NFX1: variants seen among roughly 807,000 people sequenced by gnomAD.
NFX1 encodes the protein nuclear transcription factor, X-box binding 1.
A neutral mutation model predicts 137.2 loss-of-function variants in NFX1; 69 were observed. That is an observed-to-expected ratio of 0.50 (90% CI 0.41 to 0.61). The LOEUF is 0.61. NFX1 is among the 20% of genes least tolerant of loss of function. NFX1 has a pLI of 0.00. For synonymous variants in NFX1, 495 were observed against 474.1 expected, an observed-to-expected ratio of 1.04 and a Z score of -0.57; for missense variants, 1,167 against 1,391.0, an observed-to-expected ratio of 0.84 and a Z score of 2.56.
chr9:33,328,778 T>C (rs1200000636), intron 10 of NFX1, 100 bp downstream of exon 10: 5 of 954,390 alleles, frequency 5.2e-6, no homozygotes, highest in African/African-American at 1.6e-5. Context: ...AGATTAGGTA[T>C]GGGAAGTGGT....
At chr9:33,325,708 A>T (rs1822560319) in intron 9 of NFX1, among the ~76,000 whole-genome samples, 1 of 152,156 alleles carries the variant, frequency 6.6e-6, no homozygotes, top group Non-Finnish European at 1.5e-5. Context: ...CAAGAATCTT[A>T]CATCTCATGA....
intron 6 of NFX1, among the ~76,000 whole-genome samples, chr9:33,312,658 GT>G (rs1822004476): frequency 6.6e-6 from 1 of 152,344 alleles, no homozygotes; most frequent in South Asian, 2.1e-4. Flanking sequence ...ATCACTTGAG[GT>G]TAAGAGTTCG....
At chr9:33,306,047 T>C (rs1450496451) in intron 4 of NFX1, among the ~76,000 whole-genome samples, 1 of 151,982 alleles carries the variant, frequency 6.6e-6, no homozygotes, top group African/African-American at 2.4e-5. Context: ...TCTTGAGAGA[T>C]GTTAGAGGAA....
At chr9:33,341,499 A>G (rs531902847) in intron 12 of NFX1, among the ~76,000 whole-genome samples, 1 of 152,356 alleles carries the variant, frequency 6.6e-6, no homozygotes, top group Admixed American at 6.5e-5. Flanking sequence ...CACAGTACCA[A>G]TAGCAAGGTA....
chr9:33,362,665 A>G (rs1824032777), intron 19 of NFX1, among the ~76,000 whole-genome samples: 1 of 151,254 alleles, frequency 6.6e-6, no homozygotes, highest in Admixed American at 6.6e-5. Flanking sequence ...TAAAGTTACA[A>G]ATAGATGGTA....
chr9:33,343,875 A>G (rs558125087), intron 13 of NFX1, among the ~76,000 whole-genome samples, 194 bp from the exon 14 acceptor site: 12 of 152,324 alleles, frequency 7.9e-5, no homozygotes, highest in Non-Finnish European at 1.8e-4. Context: ...ATATCTGTTC[A>G]TGCCTTTTTC....
At chr9:33,329,552 C>T (rs1822723443) in intron 10 of NFX1, among the ~76,000 whole-genome samples, 1 of 152,206 alleles carries the variant, frequency 6.6e-6, no homozygotes, top group South Asian at 2.1e-4. Context: ...GCACAAAGGC[C>T]AGACTCTCTT....
chr9:33,332,510 TG>T lies in NFX1; in HGVS notation c.2035+12del. On this transcript the variant is annotated intron_variant, in intron 11 of 23. Coordinates refer to ENST00000379540, the MANE Select transcript of NFX1 (RefSeq NM_002504.6). ...CCAGTCTCAAAAGTGAAGGTATGAC[TG>T]GGGTGGGGCATGAGGGAATTTCTGG... is the stretch of plus-strand genomic sequence containing the variant. The T allele has an allele frequency of 6.4e-7, 1 of 1,571,446 alleles. No individual in the cohort carries two copies. Among genetic ancestry groups the T allele is most frequent in the Non-Finnish European group, 8.7e-7 (1 of 1,154,708 alleles).
chr9:33,364,484 G>A (rs1824111398), intron 20 of NFX1, among the ~76,000 whole-genome samples: 1 of 152,144 alleles, frequency 6.6e-6, no homozygotes, highest in Non-Finnish European at 1.5e-5. Flanking sequence ...TTCTCCTGGA[G>A]TCCCTGGCCT....
chr9:33,290,528 G>C lies in NFX1; in HGVS notation c.-45G>C, dbSNP rs769264741. 3 of 1,612,358 alleles carry C rather than the reference G, an allele frequency of 1.9e-6. No homozygotes were observed. Among genetic ancestry groups the C allele is most frequent in the African/African-American group, 1.3e-5 (1 of 75,032 alleles). On this transcript the variant is annotated 5_prime_UTR_variant, in exon 1 of 24. Coordinates refer to ENST00000379540, the MANE Select transcript of NFX1 (RefSeq NM_002504.6). The stretch of plus-strand genomic sequence containing the variant: ...GTCCGGGGCACGTGACCTGGTGACA[G>C]TGCTGACTTGGCTGTACAGCTCGAT...
intron 14 of NFX1, among the ~76,000 whole-genome samples, chr9:33,345,450 C>G (rs1186932436): frequency 6.6e-6 from 1 of 151,902 alleles, no homozygotes; most frequent in Admixed American, 6.6e-5. Flanking sequence ...GCACTCCAGC[C>G]TGGGTGACAG....
chr9:33,298,781 C>G (rs1363561765), intron 2 of NFX1, among the ~76,000 whole-genome samples: 4 of 150,754 alleles, frequency 2.7e-5, no homozygotes, highest in African/African-American at 9.8e-5. Flanking sequence ...AAGAACCTGT[C>G]TCAAAAAAAA....
Position 33,364,759 on chromosome 9 carries a change from G to A in NFX1, c.3024G>A (p.Val1008=), listed in dbSNP as rs1824120864. Residue 1008 remains valine, a synonymous_variant, in exon 21 of 24, where the codon GTG becomes GTA. Transcript: ENST00000379540. ...SDVEKEMETL[V]EAVNKGKNSK... ...TTGAGAAGGAAATGGAAACCCTCGT[G>A]GAGGCCGTGAATAAGGTTGAAGTCG... is the stretch of plus-strand genomic sequence containing the variant. 1 of 1,613,808 alleles carries A rather than the reference G, an allele frequency of 6.2e-7. No individual in the cohort carries two copies. Among genetic ancestry groups the A allele is most frequent in the South Asian group, 1.1e-5 (1 of 91,034 alleles).
chr9:33,351,624 T>C lies in NFX1; in HGVS notation c.2489T>C (p.Leu830Pro). ...TGCGGATTACCCTGCAGTGCCACGCTACCATGTGGGATGCACAAATGTCAG... is the reference window on the plus strand; with the variant it reads ...TGCGGATTACCCTGCAGTGCCACGCCACCATGTGGGATGCACAAATGTCAG... ...ISCGLPCSATLPCGMHKCQRL... is the reference protein window; with the variant it reads ...ISCGLPCSATPPCGMHKCQRL... The change falls in exon 16 of 24, where the codon CTA becomes CCA. Residue 830 changes from leucine (L) to proline (P), a missense_variant. Physicochemically the swap from Leu to Pro is moderately conservative, Grantham distance 98. Coordinates refer to ENST00000379540, the MANE Select transcript of NFX1 (RefSeq NM_002504.6). 6.2e-7 allele frequency: 1 copy of C among 1,614,214 alleles called. No individual in the cohort carries two copies. The highest frequency in any genetic ancestry group is 1.1e-5 in the South Asian group (1 of 91,092).
Position 33,304,796 on chromosome 9 carries a change from A to C in NFX1, c.1270+1528A>C, listed in dbSNP as rs199530688. Among the ~76,000 whole-genome samples the C allele has an allele frequency of 1.4e-4, 22 of 152,378 alleles. No homozygotes were observed. The East Asian group carries it at 4.2e-3, about 29-fold the overall frequency. On this transcript the variant is annotated intron_variant, in intron 4 of 23. Coordinates refer to ENST00000379540, the MANE Select transcript of NFX1 (RefSeq NM_002504.6). ...TTCTTGAATATACTACCAGAAAGGC[A>C]GCATGAAACTGGAAGTAAGAGATCA... is the stretch of plus-strand genomic sequence containing the variant.
intron 9 of NFX1, among the ~76,000 whole-genome samples, chr9:33,321,843 C>T (rs1822395953): frequency 6.7e-6 from 1 of 150,328 alleles, no homozygotes. Context: ...TGCAGCACTG[C>T]ACTCCAGCTA....
intron 12 of NFX1, among the ~76,000 whole-genome samples, chr9:33,339,592 C>T (rs1479060185): frequency 6.6e-6 from 1 of 152,218 alleles, no homozygotes; most frequent in African/African-American, 2.4e-5. Flanking sequence ...GCCTTTCCAA[C>T]TGTCCCCCAA....
At chr9:33,351,855 C>G in intron 16 of NFX1, 65 bp downstream of exon 16, 2 of 1,377,722 alleles carry the variant, frequency 1.5e-6, no homozygotes, top group Admixed American at 5.0e-5. Flanking sequence ...GAATCCAGAA[C>G]TGTCTACAGT....
chr9:33,338,709 A>G (rs1391652595), intron 12 of NFX1, 120 bp downstream of exon 12: 4 of 813,080 alleles, frequency 4.9e-6, no homozygotes, highest in Admixed American at 5.4e-5. Context: ...GCCCCTAAGC[A>G]GCAGTCAGAG....
Sources: gnomAD v4.1 joint callset for allele counts (sites outside exome capture counted in the v4.1 genomes callset) on GRCh38, gnomAD v4.1.1 for gene constraint, MANE v1.5 for transcripts, NCBI Gene and HGNC (gene_info 2026-07-23, HGNC 2026-07-21) for gene names.